Variants in ANXA6 observed in about 807,000 individuals in gnomAD.
The protein encoded by ANXA6 is 67 kDa calelectrin.
A neutral mutation model predicts 95.4 loss-of-function variants in ANXA6; 71 were observed. That is an observed-to-expected ratio of 0.74 (90% CI 0.61 to 0.91). The LOEUF (loss-of-function observed/expected upper bound fraction) is 0.91, where lower values mean the gene tolerates loss of function less well. Among genes scored for constraint, ANXA6 ranks in the 40% least tolerant of loss-of-function variants. ANXA6 has a pLI of 0.00. For missense variants in ANXA6, 830 were observed against 876.4 expected, an observed-to-expected ratio of 0.95 and a Z score of 0.67; for synonymous variants, 289 against 315.9, an observed-to-expected ratio of 0.91 and a Z score of 0.90.
chr5:151,129,319 A>C (rs1170262120), intron 12 of ANXA6, 88 bp downstream of exon 12: 1 of 1,534,368 alleles, frequency 6.5e-7, no homozygotes, highest in East Asian at 2.3e-5. Context: ...TTCCTAGGAC[A>C]TTTCCTTTTC....
At chr5:151,119,242 G>T in intron 18 of ANXA6, 58 bp downstream of exon 18, 1 of 1,424,532 alleles carries the variant, frequency 7.0e-7, no homozygotes, top group Non-Finnish European at 9.9e-7. Context: ...GGCTGGGGTT[G>T]GAAGTTGGGG....
chr5:151,101,797 C>A (rs952257477), intron 25 of ANXA6, among the ~76,000 whole-genome samples: 1 of 152,200 alleles, frequency 6.6e-6, no homozygotes, highest in African/African-American at 2.4e-5. Flanking sequence ...CCAGGAGCAT[C>A]TCAGTCCTCT....
intron 24 of ANXA6, among the ~76,000 whole-genome samples, chr5:151,104,823 C>G (rs1422246850): frequency 1.3e-5 from 2 of 151,894 alleles, no homozygotes; most frequent in Non-Finnish European, 2.9e-5. Context: ...AGATTGTGAG[C>G]TCTGAGAGGG....
Position 151,132,709 on chromosome 5 carries a change from C to T in ANXA6, c.641-138G>A, listed in dbSNP as rs572339647. On this transcript the variant is annotated intron_variant, in intron 9 of 25. Transcript: ENST00000354546. ...GCTAGGGCTGGTGCTATGATGGAGG[C>T]GACTGGGAGGTCACGCACATCACCA... 1.9e-3 allele frequency: 1,298 copies of T among 684,446 alleles called. 26 individuals are homozygous for T. The highest frequency in any genetic ancestry group is 1.9e-3 in the South Asian group (106 of 54,594). 42.4% of individuals were successfully genotyped at this position (684,446 alleles called of 1,614,324 possible).
At chr5:151,115,670 G>A (rs994443048) in intron 20 of ANXA6, among the ~76,000 whole-genome samples, 2 of 152,254 alleles carry the variant, frequency 1.3e-5, no homozygotes, top group Admixed American at 6.5e-5. Flanking sequence ...TCTGTTGAAT[G>A]AGTGAATGAA....
intron 10 of ANXA6, among the ~76,000 whole-genome samples, chr5:151,131,933 A>T (rs1765525839): frequency 6.6e-6 from 1 of 152,148 alleles, no homozygotes; most frequent in East Asian, 1.9e-4. Flanking sequence ...AGCAGAAGTG[A>T]CTTGCTCCAA....
rs1458938282 is a variant in ANXA6 at position 151,103,490 on chromosome 5, A to T, written c.1962+80T>A. On this transcript the variant is annotated intron_variant, in intron 25 of 25. Coordinates refer to ENST00000354546, the MANE Select transcript of ANXA6 (RefSeq NM_001155.5). ...GCGGTAACCCACTGGAAAAAAGTCC[A>T]TGGGAATAAAGACTTCTAATCTTAT... is the stretch of plus-strand genomic sequence containing the variant. The T allele has an allele frequency of 4.2e-6, 6 of 1,442,728 alleles. No homozygotes were observed. The East Asian group carries it at 1.2e-4, about 29-fold the overall frequency. 89.4% of individuals were successfully genotyped at this position (1,442,728 alleles called of 1,614,324 possible).
chr5:151,127,258 T>C (rs1226700866), intron 13 of ANXA6, among the ~76,000 whole-genome samples: 1 of 152,242 alleles, frequency 6.6e-6, no homozygotes, highest in African/African-American at 2.4e-5. Flanking sequence ...CTATGGTCCT[T>C]ACCAAAGGTT....
At chr5:151,143,224 C>G (rs1278939562) in intron 2 of ANXA6, among the ~76,000 whole-genome samples, 3 of 152,118 alleles carry the variant, frequency 2.0e-5, no homozygotes, top group Non-Finnish European at 4.4e-5. Context: ...TCTCTCCCTT[C>G]CCCTCAGATT....
chr5:151,154,372 A>G (rs1229287312), intron 1 of ANXA6, among the ~76,000 whole-genome samples: 1 of 151,384 alleles, frequency 6.6e-6, no homozygotes, highest in African/African-American at 2.4e-5. Flanking sequence ...AAAATTGAGT[A>G]TTTACCATGA....
intron 14 of ANXA6, 110 bp downstream of exon 14, chr5:151,126,292 C>T (rs1348949414): frequency 1.9e-5 from 16 of 848,724 alleles, no homozygotes; most frequent in East Asian, 8.0e-5. Context: ...TGAGAATCAA[C>T]GTGTCGGGTT....
At chr5:151,132,780 T>A (rs923474284) in intron 9 of ANXA6, among the ~76,000 whole-genome samples, 6 of 151,956 alleles carry the variant, frequency 3.9e-5, no homozygotes, top group Non-Finnish European at 8.8e-5. Flanking sequence ...CTGTGTCTCA[T>A]CCCCTAACAT....
chr5:151,116,247 G>T (rs11167536), intron 20 of ANXA6, among the ~76,000 whole-genome samples: 11,199 of 152,234 alleles, frequency 0.074, 530 homozygotes, highest in South Asian at 0.15. Context: ...AACTATAAAA[G>T]AAGGGGGCTG....
At chr5:151,109,613 C>T (rs1274124212) in intron 22 of ANXA6, 140 bp downstream of exon 22, 3 of 647,908 alleles carry the variant, frequency 4.6e-6, no homozygotes, top group Non-Finnish European at 5.5e-6. Flanking sequence ...CCAGAGTCGC[C>T]GTCACCCATG....
chr5:151,126,299 G>C (rs1765313466), intron 14 of ANXA6, 103 bp downstream of exon 14: 1 of 943,216 alleles, frequency 1.1e-6, no homozygotes, highest in Non-Finnish European at 1.7e-6. Flanking sequence ...CAACGTGTCG[G>C]GTTGGCCGCC....
chr5:151,140,232 G>C lies in ANXA6; in HGVS notation c.30C>G (p.Tyr10Ter). The C allele has an allele frequency of 3.7e-6, 6 of 1,613,874 alleles. No homozygotes were observed. The highest frequency in any genetic ancestry group is 1.1e-5 in the South Asian group (1 of 91,072). MAKPAQGAK[Y>*]RGSIHDFPGF... ...CTGGGAAGTCATGGATGGAGCCCCG[G>C]TACTTGGCACCCTGTGGAGAAAAAA... Residue 10 changes from tyrosine (Y) to a stop codon, truncating the protein, a stop_gained, in exon 3 of 26, where the codon TAC becomes TAG. Coordinates refer to ENST00000354546, the MANE Select transcript of ANXA6 (RefSeq NM_001155.5). LOFTEE classifies it high-confidence loss of function.
In ANXA6 at chr5:151,123,058, G is replaced by A. The variant is rs374201460; in HGVS notation, c.1139-47C>T. On this transcript the variant is annotated intron_variant, in intron 15 of 25. Transcript: ENST00000354546. ...CCTCAGAAGAAGGCCTGTGGCTCTC[G>A]GCTTTCCCCATGCACCGCCCACTGA... 30 of 1,535,450 alleles carry A rather than the reference G, an allele frequency of 2.0e-5. No homozygotes were observed. In the East Asian group the frequency reaches 4.0e-4, roughly 21 times the overall value.
intron 14 of ANXA6, among the ~76,000 whole-genome samples, chr5:151,125,819 T>A (rs1308548449): frequency 6.6e-6 from 1 of 151,606 alleles, no homozygotes; most frequent in Non-Finnish European, 1.5e-5. Context: ...GAGATTGCCA[T>A]GTTAACCCCT....
intron 5 of ANXA6, among the ~76,000 whole-genome samples, chr5:151,138,410 G>A (rs1362689372): frequency 2.6e-5 from 4 of 152,128 alleles, no homozygotes; most frequent in Non-Finnish European, 5.9e-5. Context: ...GGCCTCAGGA[G>A]TGTTGGACAC....
Sources: gnomAD v4.1 joint callset for allele counts (sites outside exome capture counted in the v4.1 genomes callset) on GRCh38, gnomAD v4.1.1 for gene constraint, MANE v1.5 for transcripts, NCBI Gene and HGNC (gene_info 2026-07-23, HGNC 2026-07-21) for gene names.